The following PKD1 variants were observed in gnomAD, a reference collection of about 807,000 sequenced individuals.
The protein encoded by PKD1 is polycystin 1, transient receptor potential channel interacting.
A neutral mutation model predicts 361.7 loss-of-function variants in PKD1; 81 were observed. The observed-to-expected ratio is 0.22, with a 90% CI of 0.19 to 0.27. PKD1 has a LOEUF of 0.27. Ranked by LOEUF, PKD1 falls within the 10% of genes least tolerant of loss-of-function variation. PKD1 has a pLI of 1.00. For missense variants in PKD1, 6,399 were observed against 6,118.3 expected, an observed-to-expected ratio of 1.05 and a Z score of -1.53; for synonymous variants, 3,615 against 2,818.3, an observed-to-expected ratio of 1.28 and a Z score of -8.95.
chr16:2,109,068 C>G lies in PKD1; in HGVS notation c.6099G>C (p.Ala2033=). Residue 2033 remains alanine, a synonymous_variant, in exon 15 of 46, where the codon GCG becomes GCC. Coordinates refer to ENST00000262304, the MANE Select transcript of PKD1 (RefSeq NM_001009944.3). The part of the protein sequence containing the change: ...GRDVTYTPVA[A]GLLEIQVRAF... ...CGCGCACCTGGATCTCCAACAGCCCCGCGGCCACGGGCGTGTAGGTGACGT... is the reference window on the plus strand; with the variant it reads ...CGCGCACCTGGATCTCCAACAGCCCGGCGGCCACGGGCGTGTAGGTGACGT... The G allele has an allele frequency of 3.1e-6, 5 of 1,605,992 alleles. No individual in the cohort carries two copies. The highest frequency in any genetic ancestry group is 4.3e-6 in the Non-Finnish European group (5 of 1,175,364).
Position 2,109,897 on chromosome 16 carries a change from C to A in PKD1, c.5270G>T (p.Gly1757Val). 2.5e-6 allele frequency: 4 copies of A among 1,610,592 alleles called. No homozygotes were observed. The highest frequency in any genetic ancestry group is 3.4e-6 in the Non-Finnish European group (4 of 1,179,752). Residue 1757 changes from glycine (G) to valine (V), a missense_variant, in exon 15 of 46, where the codon GGG (glycine) becomes GTG (valine). Gly to Val is a moderately radical substitution (Grantham distance 109). Coordinates refer to ENST00000262304, the MANE Select transcript of PKD1 (RefSeq NM_001009944.3). ...TGGCTCGGAGGTCTCCCAGCTCAGC[C>A]CCTCCTCCAAGGACCAAGTGTATAC... ...GVVYTWSLEE[G>V]LSWETSEPFT...
intron 1 of PKD1, among the ~76,000 whole-genome samples, chr16:2,124,834 G>A (rs1448034889): frequency 3.9e-5 from 6 of 152,228 alleles, no homozygotes; most frequent in Admixed American, 3.9e-4. Context: ...CGGAGCTTAT[G>A]TAACCGCTCC....
rs773874840 is a variant in PKD1, at chr16:2,109,274, T to C, written c.5893A>G (p.Ile1965Val). 4 of 1,583,644 alleles carry C rather than the reference T, an allele frequency of 2.5e-6. No individual in the cohort carries two copies. Among genetic ancestry groups the C allele is most frequent in the Admixed American group, 1.7e-5 (1 of 59,326 alleles). The change falls in exon 15 of 46, where the codon ATC becomes GTC. Residue 1965 changes from isoleucine (I) to valine (V), a missense_variant. Transcript: ENST00000262304. Reference protein sequence around the residue: ...HVSWAQAQVRIVVLEAVSGLQ... With the variant: ...HVSWAQAQVRVVVLEAVSGLQ... ...CCACTCACGGCCTCCAGCACCACGA[T>C]GCGCACCTGCGCCTGGGCCCAGCTC...
chr16:2,131,868 T>G (rs1402668810), intron 1 of PKD1: 2 of 152,162 alleles, frequency 1.3e-5, no homozygotes, highest in African/African-American at 4.8e-5. Flanking sequence ...CCAAGCACAG[T>G]GGTGTTCACA....
Position 2,116,596 on chromosome 16 carries a change from T to A in PKD1, c.1655A>T (p.Asp552Val), listed in dbSNP as rs1270595455. The change falls in exon 8 of 46, where the codon GAC (aspartate) becomes GTC (valine). Residue 552 changes from aspartate to valine, a missense_variant. Physicochemically the swap from Asp to Val is radical, Grantham distance 152. Transcript: ENST00000262304. ...ENLLVGAPSG[D>V]LQGPLTPLAQ... ...CAGAGGCGTCAGGGGTCCCTGCAGG[T>A]CCCCACTGGGCGCTCCCACGAGGAG... 2.6e-6 allele frequency: 4 copies of A among 1,566,722 alleles called. No individual in the cohort carries two copies.
At chr16:2,128,795 C>T (rs976033543) in intron 1 of PKD1, among the ~76,000 whole-genome samples, 1 of 152,096 alleles carries the variant, frequency 6.6e-6, no homozygotes, top group Non-Finnish European at 1.5e-5. Context: ...ACCTCTGCCT[C>T]CCAGGTTCAA....
chr16:2,112,349 C>T lies in PKD1; in HGVS notation c.3286G>A (p.Ala1096Thr), dbSNP rs1307673492. ...LVEHNVMHTY[A>T]APGEYLLTVL... ...CCCCCTCATCCCTCACCTGGGGCAGCGTAGGTGTGCATGACATTGTGCTCC... is the reference window on the plus strand; with the variant it reads ...CCCCCTCATCCCTCACCTGGGGCAGTGTAGGTGTGCATGACATTGTGCTCC... The change falls in exon 14 of 46, where the codon GCT becomes ACT. Residue 1096 changes from alanine (A) to threonine (T), a missense_variant. Coordinates refer to ENST00000262304, the MANE Select transcript of PKD1 (RefSeq NM_001009944.3). 4.4e-6 allele frequency: 7 copies of T among 1,587,182 alleles called. No individual in the cohort carries two copies. Among genetic ancestry groups the T allele is most frequent in the African/African-American group, 2.7e-5 (2 of 73,258 alleles).
Position 2,089,813 on chromosome 16 carries a change from G to A in PKD1, c.12826C>T (p.Arg4276Trp), listed in dbSNP as rs114251396. ...LRPALPSRLARASRGVDLATG... is the reference protein window; with the variant it reads ...LRPALPSRLAWASRGVDLATG... ...GCCAGGTCCACACCCCGACTGGCCC[G>A]GGCAAGGCGGCTGGGCAGTGCTGGC... Residue 4276 changes from arginine to tryptophan, a missense_variant, in exon 46 of 46, where the codon CGG (arginine) becomes TGG (tryptophan). Coordinates refer to ENST00000262304, the MANE Select transcript of PKD1 (RefSeq NM_001009944.3). The A allele has an allele frequency of 4.0e-3, 6,338 of 1,600,802 alleles. 18 individuals carry two copies. The highest frequency in any genetic ancestry group is 4.3e-3 in the Non-Finnish European group (5,006 of 1,174,408).
At chr16:2,113,712 C>G (rs1298842486) in intron 11 of PKD1, 1 of 358,456 alleles carries the variant, frequency 2.8e-6, no homozygotes, top group African/African-American at 2.1e-5. Context: ...CTGATGGCCC[C>G]TCCCAAGGCC....
rs1255199208 is a variant in PKD1, at chr16:2,100,578, G to A, written c.9398-12C>T. The stretch of plus-strand genomic sequence containing the variant: ...GTGGGCCGTGGTACCTGGGAGGCAA[G>A]AGGGAGGGGTGGGAGGCTCGGTCTG... On this transcript the variant is annotated splice_polypyrimidine_tract_variant and intron_variant, in intron 26 of 45. Coordinates refer to ENST00000262304, the MANE Select transcript of PKD1 (RefSeq NM_001009944.3). The surrounding 1 kb of genome is among the most constrained non-coding windows in gnomAD (Gnocchi z 4.4). The A allele has an allele frequency of 3.7e-6, 6 of 1,608,120 alleles. No homozygotes were observed. In the African/African-American group the frequency reaches 6.7e-5, roughly 18 times the overall value.
intron 21 of PKD1, among the ~76,000 whole-genome samples, chr16:2,104,851 C>T (rs1179009105): frequency 5.8e-5 from 6 of 102,756 alleles, no homozygotes; most frequent in Admixed American, 3.2e-4. Flanking sequence ...ATGCAGCCCA[C>T]CGACCACACA....
chr16:2,099,293 C>T, intron 30 of PKD1: 1 of 370,084 alleles, frequency 2.7e-6, no homozygotes, highest in Admixed American at 3.7e-5. Flanking sequence ...GGGACTAACT[C>T]AGCCTCTTCA....
intron 13 of PKD1, 144 bp from the exon 14 acceptor site, chr16:2,112,617 C>G: frequency 2.0e-6 from 2 of 979,940 alleles, no homozygotes; most frequent in Non-Finnish European, 1.5e-6. Flanking sequence ...GTGCTGAGGC[C>G]TCTCCCGGCT....
chr16:2,093,958 G>A lies in PKD1; in HGVS notation c.10674C>T (p.Ala3558=), dbSNP rs576239975. The A allele has an allele frequency of 4.8e-5, 76 of 1,586,732 alleles. No homozygotes were observed. The highest frequency in any genetic ancestry group is 1.8e-4 in the South Asian group (16 of 88,152). ...RLLPAWCASL[A]HGLSLLLVAV... is the part of the protein sequence containing the mutation. ...CCACCAGGAGCAGGCTGAGCCCGTG[G>A]GCCAGGGAGGCACACCAGGCCGGCA... is the stretch of plus-strand genomic sequence containing the variant. The change falls in exon 36 of 46, where the codon GCC becomes GCT. Residue 3558 remains alanine (A), a synonymous_variant. Coordinates refer to ENST00000262304, the MANE Select transcript of PKD1 (RefSeq NM_001009944.3).
rs200742306 is a variant in PKD1 at position 2,104,617 on chromosome 16, C to T, written c.8042G>A (p.Arg2681His). The T allele has an allele frequency of 2.2e-4, 344 of 1,582,506 alleles. 1 individual carries two copies. The Middle Eastern group carries it at 3.0e-3, about 14-fold the overall frequency. Reference sequence around the variant, plus strand: ...GTGCAGCGTCTGCTTCAGGCACGAGCGGCATACGAGCTCCCTGCTGGGCCC... The same window carrying T: ...GTGCAGCGTCTGCTTCAGGCACGAGTGGCATACGAGCTCCCTGCTGGGCCC... ...CMGPSRELVC[R>H]SCLKQTLHKL... The change falls in exon 22 of 46, where the codon CGC (arginine) becomes CAC (histidine). Residue 2681 changes from arginine (R) to histidine (H), a missense_variant. Physicochemically the swap from Arg to His is conservative, Grantham distance 29. Transcript: ENST00000262304.
In PKD1 at chr16:2,108,868, G is replaced by T. The variant is rs539793378; in HGVS notation, c.6299C>A (p.Ser2100Ter). 6.3e-7 allele frequency: 1 copy of T among 1,577,412 alleles called. No individual in the cohort carries two copies. The highest frequency in any genetic ancestry group is 8.6e-7 in the Non-Finnish European group (1 of 1,162,838). ...VAYHWDFGDG[S>*]PGQDTDEPRA... ...GGGCTCATCTGTGTCCTGCCCTGGC[G>T]ACCCATCCCCAAAGTCCCAGTGGTA... Residue 2100 changes from serine to a stop codon, truncating the protein, a stop_gained, in exon 15 of 46, where the codon TCG (serine) becomes TAG (stop). Coordinates refer to ENST00000262304, the MANE Select transcript of PKD1 (RefSeq NM_001009944.3). LOFTEE classifies it high-confidence loss of function.
In PKD1 at chr16:2,089,161, G is replaced by A. The variant is rs774922931; in HGVS notation, c.*566C>T. Reference sequence around the variant, plus strand: ...CAAGCAGCAGCCGGGCTGCCATAACGCCACCACACCTACCAAGCGCAGCAG... The same window carrying A: ...CAAGCAGCAGCCGGGCTGCCATAACACCACCACACCTACCAAGCGCAGCAG... On this transcript the variant is annotated 3_prime_UTR_variant, in exon 46 of 46. Transcript: ENST00000262304. The A allele has an allele frequency of 2.9e-4, 49 of 170,882 alleles. No individual in the cohort carries two copies. Among genetic ancestry groups the A allele is most frequent in the African/African-American group, 8.8e-4 (37 of 41,886 alleles). 10.6% of individuals were successfully genotyped at this position (170,882 alleles called of 1,614,324 possible). A position where few individuals can be genotyped will look rare whatever the true frequency, so the allele number is the denominator to read the frequency against.
At chr16:2,103,054 C>G (rs2092163027) in intron 23 of PKD1, 84 bp from the exon 24 acceptor site, 3 of 1,484,944 alleles carry the variant, frequency 2.0e-6, no homozygotes, top group Non-Finnish European at 9.2e-7. Context: ...TGAGCCCACC[C>G]TCTGCCACGG....
At chr16:2,113,491 A>G in intron 11 of PKD1, 199 bp from the exon 12 acceptor site, 1 of 620,428 alleles carries the variant, frequency 1.6e-6, no homozygotes, top group South Asian at 1.9e-5. Flanking sequence ...GCCATGTAGT[A>G]CTACTAATGC....
Sources: gnomAD v4.1 joint callset for allele counts (sites outside exome capture counted in the v4.1 genomes callset) on GRCh38, gnomAD v4.1.1 for gene constraint, Gnocchi (gnomAD v3.1) non-coding constraint, MANE v1.5 for transcripts, NCBI Gene and HGNC (gene_info 2026-07-23, HGNC 2026-07-21) for gene names.